ADAD1: variants seen among roughly 807,000 people sequenced by gnomAD.
ADAD1 encodes the protein adenosine deaminase domain containing 1.
In ADAD1, 46 loss-of-function variants were observed where a neutral mutation model predicts 66.8. The observed-to-expected ratio is 0.69, with a 90% CI of 0.54 to 0.88. The LOEUF is 0.88. Among genes scored for constraint, ADAD1 ranks in the 40% least tolerant of loss-of-function variants. The pLI, the probability that ADAD1 is intolerant of heterozygous loss-of-function variation, is 0.00. For synonymous variants in ADAD1, 248 were observed against 229.4 expected (o/e 1.08, Z -0.73); for missense variants, 617 against 681.8 (o/e 0.91, Z 1.06).
rs768294859 is a variant in ADAD1, at chr4:122,421,343, G to A, written c.1570G>A (p.Glu524Lys). Reference protein sequence around the residue: ...MLSRFNLLAKEAKKELLEAGT... With the variant: ...MLSRFNLLAKKAKKELLEAGT... ...AAGTCGGTTTAACCTGCTTGCCAAA[G>A]AAGCTAAAAAAGAATTACTTGAAGC... The change falls in exon 12 of 13, where the codon GAA becomes AAA. Residue 524 changes from glutamate (E) to lysine (K), a missense_variant. Coordinates refer to ENST00000296513, the MANE Select transcript of ADAD1 (RefSeq NM_139243.4). The A allele has an allele frequency of 6.2e-7, 1 of 1,603,260 alleles. No homozygotes were observed. The highest frequency in any genetic ancestry group is 8.5e-7 in the Non-Finnish European group (1 of 1,172,582).
chr4:122,422,977 A>AAG (rs1553925585), intron 12 of ADAD1, among the ~76,000 whole-genome samples: 26 of 149,210 alleles, frequency 1.7e-4, no homozygotes, highest in East Asian at 1.6e-3. Flanking sequence ...AAAAAAAAAA[A>AAG]AAGAAGAAGA....
At chr4:122,395,752 ATCC>A (rs1434735780) in intron 6 of ADAD1, among the ~76,000 whole-genome samples, 2 of 152,128 alleles carry the variant, frequency 1.3e-5, no homozygotes, top group Non-Finnish European at 2.9e-5. Flanking sequence ...ACTTAGAGCT[ATCC>A]TCCTCCTCTT....
chr4:122,407,960 G>A lies in ADAD1; in HGVS notation c.777G>A (p.Gln259=). The change falls in exon 8 of 13, where the codon CAG becomes CAA. Residue 259 remains glutamine, a synonymous_variant. Transcript: ENST00000296513. The stretch of plus-strand genomic sequence containing the variant: ...GCACAGGTGAATACAATTACAGCCA[G>A]GACATTAAGCCAGATGGAAGAGTAT... ...AIGTGEYNYS[Q]DIKPDGRVLH... is the part of the protein sequence containing the mutation. 2 of 1,613,806 alleles carry A rather than the reference G, an allele frequency of 1.2e-6. No homozygotes were observed. The highest frequency in any genetic ancestry group is 1.7e-6 in the Non-Finnish European group (2 of 1,179,828).
intron 12 of ADAD1, among the ~76,000 whole-genome samples, chr4:122,422,035 G>A (rs1228566613): frequency 6.6e-6 from 1 of 150,648 alleles, no homozygotes; most frequent in East Asian, 2.0e-4. Context: ...ACGTATTTGT[G>A]TATGTATCTG....
At position 122,380,367 on chromosome 4, in the gene ADAD1, C is replaced by A. The variant is rs1392480316; in HGVS notation, c.172+126C>A. On this transcript the variant is annotated intron_variant, in intron 3 of 12. Coordinates refer to ENST00000296513, the MANE Select transcript of ADAD1 (RefSeq NM_139243.4). ...TAGACATTTACCCGTGGCCGTGTAC[C>A]TGGAGCTGGCATCTGACTCAACATT... is the stretch of plus-strand genomic sequence containing the variant. 3 of 1,132,222 alleles carry A rather than the reference C, an allele frequency of 2.6e-6. No individual in the cohort carries two copies. The African/African-American group carries it at 4.7e-5, about 18-fold the overall frequency. 70.1% of individuals were successfully genotyped at this position (1,132,222 alleles called of 1,614,324 possible). A position where few individuals can be genotyped will look rare whatever the true frequency, so the allele number is the denominator to read the frequency against.
chr4:122,410,364 A>G (rs1399067537), intron 8 of ADAD1, among the ~76,000 whole-genome samples: 1 of 152,036 alleles, frequency 6.6e-6, no homozygotes, highest in Non-Finnish European at 1.5e-5. Context: ...TATATTTTTG[A>G]TGATGGGATT....
intron 7 of ADAD1, among the ~76,000 whole-genome samples, chr4:122,397,180 T>C (rs975963238): frequency 1.3e-5 from 2 of 152,202 alleles, no homozygotes; most frequent in Non-Finnish European, 2.9e-5. Flanking sequence ...GATTAGTCTG[T>C]GTACAGGAGT....
At chr4:122,411,167 A>G in intron 8 of ADAD1, 55 bp from the exon 9 acceptor site, 2 of 1,368,682 alleles carry the variant, frequency 1.5e-6, no homozygotes, top group Non-Finnish European at 2.0e-6. Context: ...GATGCTCATT[A>G]AGATATATCT....
chr4:122,380,457 G>C (rs1794838229), intron 3 of ADAD1: 1 of 554,344 alleles, frequency 1.8e-6, no homozygotes. Context: ...CACCTTGACT[G>C]TTCAAACCCC....
At chr4:122,426,037 G>GA (rs1315656499) in intron 12 of ADAD1, among the ~76,000 whole-genome samples, 2 of 151,440 alleles carry the variant, frequency 1.3e-5, no homozygotes, top group South Asian at 4.2e-4. Flanking sequence ...ATTGAAAATA[G>GA]AAAAAAATAG....
intron 5 of ADAD1, among the ~76,000 whole-genome samples, chr4:122,392,288 T>G (rs1023218766): frequency 6.6e-5 from 10 of 152,138 alleles, no homozygotes; most frequent in Middle Eastern, 3.2e-3. Context: ...AGCAAAGACA[T>G]CAAATCAACC....
chr4:122,415,259 G>A (rs997431336), intron 10 of ADAD1, 120 bp from the exon 11 acceptor site: 5 of 721,472 alleles, frequency 6.9e-6, no homozygotes, highest in Non-Finnish European at 1.1e-5. Context: ...ACTAGGAAAG[G>A]GAAGGTTGAA....
Position 122,415,626 on chromosome 4 carries a change from A to G in ADAD1, c.1487+10A>G. On this transcript the variant is annotated intron_variant, in intron 11 of 12. Transcript: ENST00000296513. ...GGAAGATCACTGAAAGGTTAAAATT[A>G]CTAATTTCTTTAAACCATATATTAC... The G allele has an allele frequency of 6.2e-7, 1 of 1,604,978 alleles. No individual in the cohort carries two copies. Among genetic ancestry groups the G allele is most frequent in the Non-Finnish European group, 8.5e-7 (1 of 1,172,464 alleles).
At position 122,396,337 on chromosome 4, in the gene ADAD1, G is replaced by C; in HGVS notation, c.684G>C (p.Leu228=). The C allele has an allele frequency of 6.2e-7, 1 of 1,602,466 alleles. No homozygotes were observed. Among genetic ancestry groups the C allele is most frequent in the Non-Finnish European group, 8.5e-7 (1 of 1,175,252 alleles). The change falls in exon 7 of 13, where the codon CTG becomes CTC. Residue 228 remains leucine, a synonymous_variant. Transcript: ENST00000296513. ...TAATTTCTAATCGTTCAGAATACCT[G>C]AAATATAGCAGTTCATTGGCTGCTT... ...NQLISNRSEY[L]KYSSSLAAFI...
chr4:122,425,947 G>T (rs1203653170), intron 12 of ADAD1, among the ~76,000 whole-genome samples: 4 of 151,850 alleles, frequency 2.6e-5, no homozygotes, highest in East Asian at 1.9e-4. Context: ...GAAGCCAGAA[G>T]AAGAAGAGCA....
chr4:122,395,993 A>C (rs1047237801), intron 6 of ADAD1, among the ~76,000 whole-genome samples: 1 of 152,236 alleles, frequency 6.6e-6, no homozygotes, highest in Non-Finnish European at 1.5e-5. Flanking sequence ...ATCATCAGAG[A>C]AACTCTACAG....
At chr4:122,384,074 T>C (rs1328826909) in intron 5 of ADAD1, 108 bp downstream of exon 5, 3 of 1,025,350 alleles carry the variant, frequency 2.9e-6, no homozygotes, top group Admixed American at 3.1e-5. Context: ...AAGATAGAAG[T>C]TGCAGGATTT....
chr4:122,390,933 G>A (rs1281760986), intron 5 of ADAD1, among the ~76,000 whole-genome samples: 1 of 152,150 alleles, frequency 6.6e-6, no homozygotes, highest in African/African-American at 2.4e-5. Flanking sequence ...TGTAGAAGAG[G>A]CACTCTGGCC....
intron 4 of ADAD1, among the ~76,000 whole-genome samples, chr4:122,382,581 C>G (rs1320313728): frequency 6.6e-6 from 1 of 152,120 alleles, no homozygotes; most frequent in Non-Finnish European, 1.5e-5. Flanking sequence ...CCAGGCCTGG[C>G]TAATTTTCAA....
Sources: allele counts gnomAD v4.1 joint callset (sites outside exome capture counted in the v4.1 genomes callset), GRCh38; gene constraint gnomAD v4.1.1; transcripts MANE v1.5; gene names NCBI Gene and HGNC (gene_info 2026-07-23, HGNC 2026-07-21).